CABP5: variants seen among roughly 807,000 people sequenced by gnomAD.
The protein encoded by CABP5 is calcium binding protein 5.
Under a neutral mutation model 21.9 loss-of-function variants are expected in CABP5, and 17 were observed. That is an observed-to-expected ratio of 0.78 (90% CI 0.53 to 1.17). The LOEUF (loss-of-function observed/expected upper bound fraction) is 1.17. Ranked by LOEUF, CABP5 falls within the 50% of genes most tolerant of loss-of-function variation. The pLI is 0.00. For missense variants in CABP5, 229 were observed against 228.9 expected (o/e 1.00, Z 0.00); for synonymous variants, 85 against 79.4 (o/e 1.07, Z -0.37).
chr19:48,041,733 C>T, intron 1 of CABP5, 130 bp from the exon 2 acceptor site: 2 of 764,402 alleles, frequency 2.6e-6, no homozygotes, highest in Non-Finnish European at 4.1e-6. Flanking sequence ...CCTCCTCCAT[C>T]CCTCCCATTC....
rs115529858 is a variant in CABP5 at position 48,037,062 on chromosome 19, G to A, written c.348+2146C>T. On this transcript the variant is annotated intron_variant, in intron 4 of 5. Coordinates refer to ENST00000293255, the MANE Select transcript of CABP5 (RefSeq NM_019855.5). ...TCCTTAGAAAATTAAACCTAGAGCT[G>A]CCATATGACCCAGCAATACCACTTC... Among the ~76,000 whole-genome samples the A allele has an allele frequency of 2.4e-3, 363 of 152,088 alleles. 2 individuals are homozygous for A. Among genetic ancestry groups the A allele is most frequent in the African/African-American group, 8.4e-3 (348 of 41,498 alleles).
At chr19:48,040,323 T>C (rs569741698) in intron 3 of CABP5, among the ~76,000 whole-genome samples, 46 of 152,200 alleles carry the variant, frequency 3.0e-4, no homozygotes, top group Non-Finnish European at 6.5e-4. Flanking sequence ...CCTCTATAGA[T>C]GAGGAAATGG....
chr19:48,034,115 G>T (rs1967375788), intron 5 of CABP5, 100 bp downstream of exon 5: 3 of 1,170,420 alleles, frequency 2.6e-6, no homozygotes, highest in Non-Finnish European at 3.5e-6. Flanking sequence ...ACTTGGAGAG[G>T]AGTGAGAAGG....
rs756493937 is a variant in CABP5, at chr19:48,043,871, C to T, written c.52G>A (p.Glu18Lys). The change falls in exon 1 of 6, where the codon GAG (glutamate) becomes AAG (lysine). Residue 18 changes from glutamate (E) to lysine (K), a missense_variant. Transcript: ENST00000293255. ...ACIFLRKGIA[E>K]KQRERPLGQD... ...ACTCCCCACCTCACCCGCTGTTTCTCAGCAATGCCTTTCCTCAAGAAGATG... is the reference window on the plus strand; with the variant it reads ...ACTCCCCACCTCACCCGCTGTTTCTTAGCAATGCCTTTCCTCAAGAAGATG... The T allele has an allele frequency of 6.7e-7, 1 of 1,501,742 alleles. No individual in the cohort carries two copies. Among genetic ancestry groups the T allele is most frequent in the South Asian group, 1.3e-5 (1 of 75,628 alleles). 93.0% of individuals were successfully genotyped at this position (1,501,742 alleles called of 1,614,324 possible).
intron 2 of CABP5, 186 bp downstream of exon 2, chr19:48,041,387 C>T (rs1362239114): frequency 2.8e-5 from 18 of 634,616 alleles, no homozygotes; most frequent in Non-Finnish European, 4.5e-5. Flanking sequence ...GATATGCCTT[C>T]GAAATACTTT....
chr19:48,031,303 G>A (rs967392257), intron 5 of CABP5, among the ~76,000 whole-genome samples: 7 of 152,262 alleles, frequency 4.6e-5, no homozygotes, highest in East Asian at 3.9e-4. Flanking sequence ...ACTTTGGGAC[G>A]TCAGGGAGGG....
At chr19:48,040,375 G>GT (rs1268181531) in intron 3 of CABP5, among the ~76,000 whole-genome samples, 1 of 152,164 alleles carries the variant, frequency 6.6e-6, no homozygotes, top group Non-Finnish European at 1.5e-5. Context: ...CAAAATGACT[G>GT]TAATTAGTAA....
Position 48,030,458 on chromosome 19 carries a change from T to G in CABP5, c.*99A>C, listed in dbSNP as rs1217135658. On this transcript the variant is annotated 3_prime_UTR_variant, in exon 6 of 6. Transcript: ENST00000293255. ...CCCTCCCTCCCGCCTGCCCTCCCTC[T>G]CTGCTTTAAGGGGATCTGGGGCTTT... 3.1e-6 allele frequency: 4 copies of G among 1,279,864 alleles called. No homozygotes were observed. The highest frequency in any genetic ancestry group is 4.4e-6 in the Non-Finnish European group (4 of 906,388). 79.3% of individuals were successfully genotyped at this position (1,279,864 alleles called of 1,614,324 possible).
At chr19:48,035,918 G>A (rs1430061938) in intron 4 of CABP5, among the ~76,000 whole-genome samples, 2 of 152,180 alleles carry the variant, frequency 1.3e-5, no homozygotes, top group Admixed American at 6.5e-5. Context: ...GACCAGATCT[G>A]ATATACATTT....
intron 4 of CABP5, among the ~76,000 whole-genome samples, chr19:48,038,696 G>A (rs765670384): frequency 1.2e-4 from 19 of 152,172 alleles, no homozygotes; most frequent in Middle Eastern, 3.4e-3. Context: ...GTGTGGTATC[G>A]CGCACCTGTA....
At chr19:48,036,907 G>A (rs1967414383) in intron 4 of CABP5, among the ~76,000 whole-genome samples, 1 of 152,178 alleles carries the variant, frequency 6.6e-6, no homozygotes, top group African/African-American at 2.4e-5. Flanking sequence ...CCTCACATCT[G>A]TTAGGATGGC....
Position 48,030,335 on chromosome 19 carries a change from C to A in CABP5, c.*222G>T. On this transcript the variant is annotated 3_prime_UTR_variant, in exon 6 of 6. Coordinates refer to ENST00000293255, the MANE Select transcript of CABP5 (RefSeq NM_019855.5). Reference sequence around the variant, plus strand: ...CCCTCCCACGCTTCCTATTTCCATCCACAGACTCTTCCTTCTTAATCTAGT... The same window carrying A: ...CCCTCCCACGCTTCCTATTTCCATCAACAGACTCTTCCTTCTTAATCTAGT... The A allele has an allele frequency of 2.1e-6, 1 of 487,550 alleles. No individual in the cohort carries two copies. The highest frequency in any genetic ancestry group is 3.6e-6 in the Non-Finnish European group (1 of 275,258). 30.2% of individuals were successfully genotyped at this position (487,550 alleles called of 1,614,324 possible). A position where few individuals can be genotyped will look rare whatever the true frequency, so the allele number is the denominator to read the frequency against.
At chr19:48,034,128 T>G in intron 5 of CABP5, 87 bp downstream of exon 5, 1 of 1,344,788 alleles carries the variant, frequency 7.4e-7, no homozygotes, top group East Asian at 2.7e-5. Flanking sequence ...TGAGAAGGAG[T>G]GGCCAACTTG....
chr19:48,035,487 C>T (rs1297598750), intron 4 of CABP5, among the ~76,000 whole-genome samples: 1 of 152,200 alleles, frequency 6.6e-6, no homozygotes, highest in Non-Finnish European at 1.5e-5. Flanking sequence ...GTCCCGGCTA[C>T]TCGAGAGGCT....
rs1335448749 is a variant in CABP5 at position 48,039,680 on chromosome 19, A to G, written c.239-363T>C. Among the ~76,000 whole-genome samples the G allele has an allele frequency of 2.9e-5, 4 of 138,460 alleles. No individual in the cohort carries two copies. The East Asian group carries it at 9.4e-4, about 33-fold the overall frequency. The allele number at this position is 138,460 out of a possible 152,430, so 90.8% of individuals were successfully genotyped here. A position where few individuals can be genotyped will look rare whatever the true frequency, so the allele number is the denominator to read the frequency against. The stretch of plus-strand genomic sequence containing the variant: ...AATTCAACCTTGTTTAGTTCGTTAC[A>G]TGCCCAGAAGCAAACCCAATAGCTT... On this transcript the variant is annotated intron_variant, in intron 3 of 5. Coordinates refer to ENST00000293255, the MANE Select transcript of CABP5 (RefSeq NM_019855.5).
chr19:48,040,832 C>A (rs376392220), intron 2 of CABP5, 84 bp from the exon 3 acceptor site: 2 of 1,309,926 alleles, frequency 1.5e-6, no homozygotes, highest in African/African-American at 1.5e-5. Flanking sequence ...AATGAGGCTC[C>A]AACTAGAGAC....
In CABP5 at chr19:48,030,505, C is replaced by G. The variant is rs898566020; in HGVS notation, c.*52G>C. ...CTTTTGGGCTTTGGTTCTCCACAAG[C>G]GCTTGCTCCATGTTGACCAGGTGGA... is the stretch of plus-strand genomic sequence containing the variant. On this transcript the variant is annotated 3_prime_UTR_variant, in exon 6 of 6. Coordinates refer to ENST00000293255, the MANE Select transcript of CABP5 (RefSeq NM_019855.5). The G allele has an allele frequency of 5.1e-6, 8 of 1,579,418 alleles. No homozygotes were observed. The Admixed American group carries it at 1.5e-4, about 30-fold the overall frequency.
intron 4 of CABP5, among the ~76,000 whole-genome samples, chr19:48,038,178 G>A (rs935988015): frequency 6.6e-6 from 1 of 152,090 alleles, no homozygotes; most frequent in Non-Finnish European, 1.5e-5. Flanking sequence ...GCCTCCCAAA[G>A]TGCTGGGATT....
chr19:48,031,760 T>G (rs1967343095), intron 5 of CABP5, among the ~76,000 whole-genome samples: 1 of 152,012 alleles, frequency 6.6e-6, no homozygotes, highest in Non-Finnish European at 1.5e-5. Context: ...CACCCGGGTC[T>G]TGAGGTCATC....
Sources: allele counts gnomAD v4.1 joint callset (sites outside exome capture counted in the v4.1 genomes callset), GRCh38; gene constraint gnomAD v4.1.1; transcripts MANE v1.5; gene names NCBI Gene and HGNC (gene_info 2026-07-23, HGNC 2026-07-21).